Variants in KCNK9 observed in about 807,000 individuals in gnomAD.
KCNK9 encodes potassium two pore domain channel subfamily K member 9, also known as potassium channel subfamily K member 9.
A neutral mutation model predicts 10.8 loss-of-function variants in KCNK9; 1 was observed. The ratio of observed to expected loss-of-function variants is 0.09; its 90% CI spans 0.03 to 0.44. KCNK9 has a LOEUF of 0.44. KCNK9 is among the 20% of genes least tolerant of loss of function. The probability of loss-of-function intolerance (pLI) is 0.97; values close to 1 mark genes in which losing one functional copy is unlikely to be tolerated. For missense variants in KCNK9, 303 were observed against 515.0 expected, an observed-to-expected ratio of 0.59 and a Z score of 3.98; for synonymous variants, 231 against 222.7, an observed-to-expected ratio of 1.04 and a Z score of -0.33.
At position 139,617,331 on chromosome 8, in the gene KCNK9, T is replaced by C. The variant is rs1298839183; in HGVS notation, c.*927A>G. 3.9e-5 allele frequency among the ~76,000 whole-genome samples: 6 copies of C among 152,186 alleles called. No homozygotes were observed. The highest frequency in any genetic ancestry group is 1.3e-4 in the Admixed American group (2 of 15,284). On this transcript the variant is annotated 3_prime_UTR_variant, in exon 2 of 2. Coordinates refer to ENST00000520439, the MANE Select transcript of KCNK9 (RefSeq NM_001282534.2). Reference sequence around the variant, plus strand: ...ACAATTTTCCCGTTTCCCCTGACAATTCCAGTTGCATGGTAAATTGTTGGA... The same window carrying C: ...ACAATTTTCCCGTTTCCCCTGACAACTCCAGTTGCATGGTAAATTGTTGGA...
At position 139,652,611 on chromosome 8, in the gene KCNK9, G is replaced by A. The variant is rs142878109; in HGVS notation, c.284-33512C>T. Among the ~76,000 whole-genome samples the A allele has an allele frequency of 3.6e-3, 543 of 152,318 alleles. 6 individuals are homozygous for A. The highest frequency in any genetic ancestry group is 0.012 in the African/African-American group (513 of 41,570). ...CCTCTAAGGGCCGGATTCTCCTGCCGGGAGCTGAAGGCTGATTCAATGGTT... is the reference window on the plus strand; with the variant it reads ...CCTCTAAGGGCCGGATTCTCCTGCCAGGAGCTGAAGGCTGATTCAATGGTT... On this transcript the variant is annotated intron_variant, in intron 1 of 1. Transcript: ENST00000520439.
At chr8:139,687,634 A>T (rs1179227964) in intron 1 of KCNK9, among the ~76,000 whole-genome samples, 1 of 34,764 alleles carries the variant, frequency 2.9e-5, no homozygotes, top group Non-Finnish European at 7.4e-5. Context: ...TCATATGTAT[A>T]CATATGTATA....
intron 1 of KCNK9, among the ~76,000 whole-genome samples, chr8:139,620,692 C>T (rs1473340263): frequency 6.6e-6 from 1 of 152,202 alleles, no homozygotes; most frequent in East Asian, 1.9e-4. Context: ...CTCCAGAAGG[C>T]CTTCCCCCCA....
chr8:139,700,687 G>A (rs1181554261), intron 1 of KCNK9, among the ~76,000 whole-genome samples: 3 of 152,158 alleles, frequency 2.0e-5, no homozygotes, highest in Non-Finnish European at 4.4e-5. Context: ...CAGCCCCTGA[G>A]GCGAAGCCGA....
At chr8:139,610,136 G>A (rs1814374393), downstream of KCNK9, among the ~76,000 whole-genome samples, 1 of 152,120 alleles carries the variant, frequency 6.6e-6, no homozygotes, top group Non-Finnish European at 1.5e-5. Context: ...TCTAAGTCCT[G>A]ATGGGAACAG....
intron 1 of KCNK9, among the ~76,000 whole-genome samples, chr8:139,640,554 A>G (rs774148262): frequency 3.9e-5 from 6 of 152,164 alleles, no homozygotes; most frequent in Non-Finnish European, 8.8e-5. Flanking sequence ...CCTAGCATGG[A>G]GCACTGTACT....
intron 1 of KCNK9, among the ~76,000 whole-genome samples, chr8:139,637,474 GCT>G (rs1240888438): frequency 1.3e-5 from 2 of 152,180 alleles, no homozygotes; most frequent in Non-Finnish European, 2.9e-5. Context: ...AGAGAATCTT[GCT>G]CTTTGTGACT....
chr8:139,610,664 G>C (rs900815177), downstream of KCNK9, among the ~76,000 whole-genome samples: 2 of 152,182 alleles, frequency 1.3e-5, no homozygotes. Context: ...ATTTTATTAT[G>C]GGGGGAGGAC....
chr8:139,632,523 C>A (rs562282918), intron 1 of KCNK9, among the ~76,000 whole-genome samples: 1 of 152,288 alleles, frequency 6.6e-6, no homozygotes, highest in East Asian at 1.9e-4. Flanking sequence ...CACAGCTGGG[C>A]CACAGAGTCC....
At chr8:139,613,001 C>T (rs973735546), downstream of KCNK9, among the ~76,000 whole-genome samples, 1 of 152,190 alleles carries the variant, frequency 6.6e-6, no homozygotes, top group African/African-American at 2.4e-5. Context: ...GTATTTTAGA[C>T]TCAATAAGCT....
At chr8:139,663,442 C>T (rs1486306806) in intron 1 of KCNK9, among the ~76,000 whole-genome samples, 1 of 152,074 alleles carries the variant, frequency 6.6e-6, no homozygotes, top group Admixed American at 6.5e-5. Flanking sequence ...CACACCACCA[C>T]CTTAGCCTCA....
chr8:139,665,735 C>A (rs1816282663), intron 1 of KCNK9, among the ~76,000 whole-genome samples: 1 of 152,240 alleles, frequency 6.6e-6, no homozygotes, highest in Non-Finnish European at 1.5e-5. Context: ...GATCACCCCA[C>A]AGCCTGCTGT....
intron 1 of KCNK9, among the ~76,000 whole-genome samples, chr8:139,635,855 A>G (rs1214495883): frequency 6.6e-6 from 1 of 152,188 alleles, no homozygotes; most frequent in Non-Finnish European, 1.5e-5. Context: ...GGTGGTATAG[A>G]AGTAATAACA....
intron 1 of KCNK9, among the ~76,000 whole-genome samples, chr8:139,668,711 C>T (rs571600047): frequency 5.9e-5 from 9 of 152,188 alleles, no homozygotes; most frequent in Non-Finnish European, 1.0e-4. Flanking sequence ...CGTGAGCCAC[C>T]GCGCCCGTCG....
chr8:139,615,864 A>C (rs1814573588), downstream of KCNK9: 1 of 151,980 alleles, frequency 6.6e-6, no homozygotes, highest in African/African-American at 2.4e-5. Flanking sequence ...ATTGACACAG[A>C]TAGTGTAGTG....
intron 1 of KCNK9, among the ~76,000 whole-genome samples, chr8:139,640,178 C>A (rs1815460260): frequency 6.6e-6 from 1 of 152,226 alleles, no homozygotes; most frequent in African/African-American, 2.4e-5. Context: ...ACCCCAGGCA[C>A]CATGCTAAGC....
At chr8:139,622,976 G>A (rs780034647) in intron 1 of KCNK9, among the ~76,000 whole-genome samples, 17 of 152,170 alleles carry the variant, frequency 1.1e-4, no homozygotes, top group Non-Finnish European at 8.8e-5. Context: ...TAACTACAGC[G>A]CACCCATATT....
intron 1 of KCNK9, among the ~76,000 whole-genome samples, chr8:139,625,871 C>T (rs1814956573): frequency 6.6e-6 from 1 of 152,188 alleles, no homozygotes; most frequent in African/African-American, 2.4e-5. Context: ...CTTCAAGACA[C>T]CTGCCACTCC....
intron 1 of KCNK9, among the ~76,000 whole-genome samples, chr8:139,634,726 G>A (rs747873148): frequency 1.3e-4 from 20 of 152,226 alleles, no homozygotes; most frequent in East Asian, 1.9e-4. Flanking sequence ...TGGGAGGCTC[G>A]CACGGGTGCC....
Sources: gnomAD v4.1 joint callset for allele counts (sites outside exome capture counted in the v4.1 genomes callset) on GRCh38, gnomAD v4.1.1 for gene constraint, MANE v1.5 for transcripts, NCBI Gene and HGNC (gene_info 2026-07-23, HGNC 2026-07-21) for gene names.